The following RAD51B variants were observed in gnomAD, a reference collection of about 807,000 sequenced individuals.
The protein encoded by RAD51B is DNA repair protein RAD51 homolog 2.
A neutral mutation model predicts 42.2 loss-of-function variants in RAD51B; 38 were observed. The ratio of observed to expected loss-of-function variants is 0.90; its 90% CI spans 0.70 to 1.18. RAD51B has a LOEUF of 1.18. RAD51B is among the 50% of genes most tolerant of loss of function. The pLI is 0.00. For synonymous variants in RAD51B, 154 were observed against 145.2 expected (o/e 1.06, Z -0.43); for missense variants, 373 against 400.7 (o/e 0.93, Z 0.59).
chr14:67,918,831 CAATT>C (rs2044236988), intron 7 of RAD51B, among the ~76,000 whole-genome samples: 1 of 152,142 alleles, frequency 6.6e-6, no homozygotes, highest in Non-Finnish European at 1.5e-5. Context: ...AATAGTCAAT[CAATT>C]ATGAGGATAG....
chr14:68,409,618 C>T (rs749455658), intron 8 of RAD51B, among the ~76,000 whole-genome samples: 2 of 152,142 alleles, frequency 1.3e-5, no homozygotes, highest in Non-Finnish European at 2.9e-5. Context: ...CAACTGCTGA[C>T]AAGAGGTCAA....
chr14:67,884,895 A>G (rs183345239), intron 5 of RAD51B, among the ~76,000 whole-genome samples: 4 of 152,282 alleles, frequency 2.6e-5, no homozygotes, highest in Non-Finnish European at 4.4e-5. Context: ...TAGCAAATGT[A>G]AGGACTTGTT....
chr14:68,241,461 G>A (rs959459661), intron 7 of RAD51B, among the ~76,000 whole-genome samples: 2 of 152,148 alleles, frequency 1.3e-5, no homozygotes, highest in Non-Finnish European at 2.9e-5. Context: ...AGAGTGGCAT[G>A]AACCCAGGAG....
chr14:68,529,437 A>T (rs1232257032), intron 10 of RAD51B, among the ~76,000 whole-genome samples: 1 of 152,258 alleles, frequency 6.6e-6, no homozygotes, highest in Non-Finnish European at 1.5e-5. Flanking sequence ...ACCTCAGGTC[A>T]TCTGTAAGGT....
intron 10 of RAD51B, among the ~76,000 whole-genome samples, chr14:68,572,284 A>G (rs1889746267): frequency 6.6e-6 from 1 of 152,232 alleles, no homozygotes; most frequent in Non-Finnish European, 1.5e-5. Flanking sequence ...AGTCTCTCCC[A>G]GGCATCAGCC....
intron 7 of RAD51B, among the ~76,000 whole-genome samples, chr14:68,228,748 T>G (rs549281153): frequency 6.6e-6 from 1 of 152,330 alleles, no homozygotes; most frequent in South Asian, 2.1e-4. Flanking sequence ...ATTCTCTAGA[T>G]TTAGCCTGGC....
At chr14:67,865,520 A>AGCCACTG (rs2042309743) in intron 5 of RAD51B, among the ~76,000 whole-genome samples, 1 of 142,556 alleles carries the variant, frequency 7.0e-6, no homozygotes, top group Non-Finnish European at 1.5e-5. Flanking sequence ...TATAGGCGTG[A>AGCCACTG]GCCACTGTGC....
At chr14:68,398,969 C>A (rs2084005948) in intron 8 of RAD51B, among the ~76,000 whole-genome samples, 1 of 152,128 alleles carries the variant, frequency 6.6e-6, no homozygotes, top group Admixed American at 6.5e-5. Context: ...TTGGGCATCA[C>A]CTCCAAAGAT....
intron 7 of RAD51B, among the ~76,000 whole-genome samples, chr14:68,074,532 G>A (rs1365399563): frequency 6.6e-6 from 1 of 152,058 alleles, no homozygotes; most frequent in Non-Finnish European, 1.5e-5. Context: ...CTGTCATTTC[G>A]GCCACTTCCT....
intron 10 of RAD51B, among the ~76,000 whole-genome samples, chr14:68,507,370 G>A (rs551421663): frequency 5.9e-5 from 9 of 152,270 alleles, no homozygotes; most frequent in Middle Eastern, 3.4e-3. Context: ...GTGTTTATGA[G>A]CTTTTTCACT....
At chr14:68,019,752 C>CA (rs1367256339) in intron 7 of RAD51B, among the ~76,000 whole-genome samples, 1 of 151,790 alleles carries the variant, frequency 6.6e-6, no homozygotes, top group Non-Finnish European at 1.5e-5. Context: ...CTGCGTATAA[C>CA]AAAAAAAGAG....
At chr14:68,132,175 T>G (rs1207327970) in intron 7 of RAD51B, among the ~76,000 whole-genome samples, 1 of 152,224 alleles carries the variant, frequency 6.6e-6, no homozygotes, top group African/African-American at 2.4e-5. Flanking sequence ...GGTCATATGT[T>G]CACTTTTTGG....
intron 7 of RAD51B, among the ~76,000 whole-genome samples, chr14:68,057,820 T>G (rs1000326441): frequency 9.3e-6 from 1 of 107,264 alleles, no homozygotes; most frequent in African/African-American, 3.6e-5. Flanking sequence ...CTTTTAGTTC[T>G]TTGTGTGTGT....
intron 11 of RAD51B, among the ~76,000 whole-genome samples, chr14:68,670,234 C>T (rs902042923): frequency 1.3e-5 from 2 of 152,158 alleles, no homozygotes; most frequent in Admixed American, 6.5e-5. Flanking sequence ...TGAGGTCACC[C>T]TGGGAGCTGG....
chr14:67,966,347 C>G (rs1325282144), intron 7 of RAD51B, among the ~76,000 whole-genome samples: 3 of 152,164 alleles, frequency 2.0e-5, no homozygotes, highest in Non-Finnish European at 4.4e-5. Flanking sequence ...GAAGCAGAGG[C>G]CTTTTTCATG....
intron 9 of RAD51B, among the ~76,000 whole-genome samples, chr14:68,437,111 G>A (rs1346234028): frequency 2.6e-5 from 4 of 152,114 alleles, no homozygotes; most frequent in African/African-American, 9.7e-5. Context: ...TAAAGAGAAT[G>A]CTTCTAACTT....
chr14:68,383,224 A>T (rs959538993), intron 8 of RAD51B, among the ~76,000 whole-genome samples: 3 of 152,150 alleles, frequency 2.0e-5, no homozygotes, highest in Non-Finnish European at 4.4e-5. Context: ...CAAAGAGAAG[A>T]CTCTAACATC....
chr14:67,871,382 A>G (rs2042526308), intron 5 of RAD51B, among the ~76,000 whole-genome samples: 1 of 152,126 alleles, frequency 6.6e-6, no homozygotes, highest in Non-Finnish European at 1.5e-5. Flanking sequence ...CCAAGACTAA[A>G]CCAGGAAGAA....
chr14:67,862,068 C>T (rs1355478309), intron 4 of RAD51B, among the ~76,000 whole-genome samples: 2 of 151,990 alleles, frequency 1.3e-5, no homozygotes, highest in East Asian at 3.9e-4. Flanking sequence ...ATTTATTTTA[C>T]AGCATGGTAA....
Sources: allele counts gnomAD v4.1 joint callset (sites outside exome capture counted in the v4.1 genomes callset), GRCh38; gene constraint gnomAD v4.1.1; transcripts MANE v1.5; gene names NCBI Gene and HGNC (gene_info 2026-07-23, HGNC 2026-07-21).